BIRC6: variants seen among roughly 807,000 people sequenced by gnomAD.
BIRC6 encodes the protein dual E2 ubiquitin-conjugating enzyme/E3 ubiquitin-protein ligase BIRC6.
In BIRC6, 98 loss-of-function variants were observed where a neutral mutation model predicts 503.3. The observed-to-expected ratio is 0.19, with a 90% CI of 0.17 to 0.23. The LOEUF (loss-of-function observed/expected upper bound fraction) is 0.23, where lower values mean the gene tolerates loss of function less well. Ranked by LOEUF, BIRC6 falls within the 10% of genes least tolerant of loss-of-function variation. The pLI is 1.00. For missense variants in BIRC6, 5,360 were observed against 5,806.0 expected (o/e 0.92, Z 2.50); for synonymous variants, 2,240 against 2,078.7 (o/e 1.08, Z -2.11).
chr2:32,501,580 A>T (rs887063260), intron 46 of BIRC6, 133 bp from the exon 47 acceptor site: 1 of 607,216 alleles, frequency 1.6e-6, no homozygotes, highest in Non-Finnish European at 2.8e-6. Flanking sequence ...CATGTTGGCC[A>T]GGCTGGTTTT....
chr2:32,471,227 C>T, intron 32 of BIRC6, 103 bp downstream of exon 32: 1 of 1,408,972 alleles, frequency 7.1e-7, no homozygotes, highest in Non-Finnish European at 9.6e-7. Flanking sequence ...GGCTATTGGC[C>T]TGGAGCTACC....
chr2:32,476,751 A>G (rs1169124777), intron 34 of BIRC6, among the ~76,000 whole-genome samples: 1 of 152,126 alleles, frequency 6.6e-6, no homozygotes, highest in Non-Finnish European at 1.5e-5. Flanking sequence ...TAGTATTGTT[A>G]TTGGAATATT....
intron 9 of BIRC6, among the ~76,000 whole-genome samples, chr2:32,407,903 C>G (rs1240759680): frequency 6.6e-6 from 1 of 151,828 alleles, no homozygotes; most frequent in Non-Finnish European, 1.5e-5. Flanking sequence ...AGCTAATGCT[C>G]TTTTCCTATT....
At chr2:32,383,021 C>G (rs1268531619) in intron 3 of BIRC6, among the ~76,000 whole-genome samples, 1 of 150,268 alleles carries the variant, frequency 6.7e-6, no homozygotes, top group Admixed American at 6.7e-5. Context: ...CGCACGTGGC[C>G]TGGTCCTCAG....
chr2:32,595,822 C>G (rs918649687), intron 68 of BIRC6, among the ~76,000 whole-genome samples: 3 of 152,076 alleles, frequency 2.0e-5, no homozygotes, highest in South Asian at 2.1e-4. Flanking sequence ...AGCTTTTGCT[C>G]TACTTACTTT....
chr2:32,462,459 T>C (rs999438756), intron 23 of BIRC6, among the ~76,000 whole-genome samples: 7 of 152,184 alleles, frequency 4.6e-5, no homozygotes, highest in Admixed American at 4.6e-4. Context: ...TGTTCATGGG[T>C]AAGAAGTGTG....
In BIRC6 at chr2:32,368,976, T is replaced by G. The variant is rs145764197; in HGVS notation, c.326-8612T>G. Among the ~76,000 whole-genome samples the G allele has an allele frequency of 4.8e-3, 737 of 152,282 alleles. 12 individuals carry two copies. The highest frequency in any genetic ancestry group is 0.016 in the African/African-American group (669 of 41,562). The stretch of plus-strand genomic sequence containing the variant: ...TGGCATTAATTACCTCTTGATATAC[T>G]ATAGTAATTAATGCCATAAGGAAAA... On this transcript the variant is annotated intron_variant, in intron 1 of 73. Coordinates refer to ENST00000421745, the MANE Select transcript of BIRC6 (RefSeq NM_016252.4).
intron 41 of BIRC6, 137 bp downstream of exon 41, chr2:32,487,938 A>G (rs1053315266): frequency 2.9e-6 from 2 of 696,070 alleles, no homozygotes; most frequent in Non-Finnish European, 4.7e-6. Context: ...TATTAGAAAT[A>G]CTTTGATTAC....
At chr2:32,443,107 A>G (rs1028778558) in intron 19 of BIRC6, among the ~76,000 whole-genome samples, 2 of 152,230 alleles carry the variant, frequency 1.3e-5, no homozygotes, top group South Asian at 2.1e-4. Context: ...TGGTCTCTCA[A>G]CATGTCTTAT....
intron 16 of BIRC6, among the ~76,000 whole-genome samples, 190 bp downstream of exon 16, chr2:32,439,876 T>C (rs1194122742): frequency 6.6e-6 from 1 of 152,194 alleles, no homozygotes; most frequent in Admixed American, 6.5e-5. Flanking sequence ...TATTATTTCA[T>C]TTTATTTATT....
At chr2:32,558,902 C>T (rs1231064211) in intron 65 of BIRC6, 1 of 152,112 alleles carries the variant, frequency 6.6e-6, no homozygotes, top group East Asian at 1.9e-4. Flanking sequence ...TGTAAATAGG[C>T]TCTATTTTTT....
chr2:32,399,075 T>A (rs1235166374), intron 6 of BIRC6, among the ~76,000 whole-genome samples: 1 of 151,974 alleles, frequency 6.6e-6, no homozygotes. Context: ...ATTTTTAAAA[T>A]TTTATTTATT....
At chr2:32,394,602 C>G (rs2039642509) in intron 5 of BIRC6, among the ~76,000 whole-genome samples, 1 of 152,040 alleles carries the variant, frequency 6.6e-6, no homozygotes, top group South Asian at 2.1e-4. Flanking sequence ...GAGGCCAAGG[C>G]AGGAGGATCG....
At chr2:32,409,294 G>A (rs1451636542) in intron 9 of BIRC6, among the ~76,000 whole-genome samples, 1 of 151,720 alleles carries the variant, frequency 6.6e-6, no homozygotes, top group African/African-American at 2.4e-5. Flanking sequence ...CGAGTAGCTG[G>A]GATTACAGGC....
intron 6 of BIRC6, among the ~76,000 whole-genome samples, chr2:32,398,533 T>G (rs1462642463): frequency 6.6e-6 from 1 of 152,218 alleles, no homozygotes; most frequent in Non-Finnish European, 1.5e-5. Flanking sequence ...ACCCTGTATT[T>G]TATTTTTAAA....
chr2:32,470,047 G>A (rs1572452376), intron 30 of BIRC6, 121 bp from the exon 31 acceptor site: 1 of 876,658 alleles, frequency 1.1e-6, no homozygotes, highest in South Asian at 3.4e-5. Flanking sequence ...CTGAAATATG[G>A]TATGTTTTAA....
At position 32,518,948 on chromosome 2, in the gene BIRC6, C is replaced by T. The variant is rs1558955797; in HGVS notation, c.11623+2C>T. 1.2e-6 allele frequency: 2 copies of T among 1,612,488 alleles called. No homozygotes were observed. Among genetic ancestry groups the T allele is most frequent in the African/African-American group, 1.3e-5 (1 of 75,010 alleles). ...CAGATGTTCTTGACAGAGTGTCAGG[C>T]AAGTCAGATTTAAGTATTAGTTTTT... On this transcript the variant is annotated splice_donor_variant, in intron 57 of 73. Transcript: ENST00000421745. LOFTEE classifies it low-confidence loss of function (GC_TO_GT_DONOR).
chr2:32,524,932 G>T lies in BIRC6; in HGVS notation c.11668G>T (p.Asp3890Tyr). 6.6e-7 allele frequency: 1 copy of T among 1,524,164 alleles called. No homozygotes were observed. Among genetic ancestry groups the T allele is most frequent in the South Asian group, 1.3e-5 (1 of 77,894 alleles). 94.4% of individuals were successfully genotyped at this position (1,524,164 alleles called of 1,614,324 possible). A position where few individuals can be genotyped will look rare whatever the true frequency, so the allele number is the denominator to read the frequency against. Residue 3890 changes from aspartate to tyrosine, a missense_variant, in exon 58 of 74, where the codon GAC (aspartate) becomes TAC (tyrosine). By Grantham distance (160) the Asp-to-Tyr change is radical. Around this residue, in one of 16 missense-constraint regions of BIRC6, gnomAD observed 878 missense variants for 928.9 expected, o/e 0.95. Transcript: ENST00000421745. ...TAKLISEQKD[D>Y]KEKKNHEEKE... ...TAAATTAATTAGTGAACAAAAAGATGACAAAGAAAAGAAAAACCATGAAGA... is the reference window on the plus strand; with the variant it reads ...TAAATTAATTAGTGAACAAAAAGATTACAAAGAAAAGAAAAACCATGAAGA...
At position 32,545,779 on chromosome 2, in the gene BIRC6, C is replaced by T. The variant is rs758337526; in HGVS notation, c.12729C>T (p.Ala4243=). ...GGCGGATGGCATTGGAAATTGGAGC[C>T]TTACACCTCATTCTTGTCTGTCTCT... ...LLRRMALEIG[A]LHLILVCLSA... Residue 4243 remains alanine, a synonymous_variant, in exon 63 of 74, where the codon GCC becomes GCT. Coordinates refer to ENST00000421745, the MANE Select transcript of BIRC6 (RefSeq NM_016252.4). 1.9e-5 allele frequency: 31 copies of T among 1,613,774 alleles called. No homozygotes were observed. Among genetic ancestry groups the T allele is most frequent in the Admixed American group, 1.2e-4 (7 of 60,002 alleles).
Sources: allele counts gnomAD v4.1 joint callset (sites outside exome capture counted in the v4.1 genomes callset), GRCh38; gene constraint gnomAD v4.1.1; regional missense constraint gnomAD v4.1.1; transcripts MANE v1.5; gene names NCBI Gene and HGNC (gene_info 2026-07-23, HGNC 2026-07-21).